ISM1: variants seen among roughly 807,000 people sequenced by gnomAD.
ISM1 encodes the protein isthmin 1.
ISM1 carries 25 observed loss-of-function variants against 46.3 expected under a neutral mutation model. The observed-to-expected ratio is 0.54, with a 90% confidence interval of 0.39 to 0.75. The LOEUF (loss-of-function observed/expected upper bound fraction) is 0.75, where lower values mean the gene tolerates loss of function less well. Ranked by LOEUF, ISM1 falls within the 30% of genes least tolerant of loss-of-function variation. The pLI, the probability that ISM1 is intolerant of heterozygous loss-of-function variation, is 0.00. For synonymous variants in ISM1, 255 were observed against 256.7 expected (o/e 0.99, Z 0.06); for missense variants, 536 against 625.4 (o/e 0.86, Z 1.52).
chr20:13,224,841 C>CTTTTTTTT (rs1162270732), intron 1 of ISM1, among the ~76,000 whole-genome samples: 79 of 107,220 alleles, frequency 7.4e-4, no homozygotes, highest in Non-Finnish European at 9.6e-4. Flanking sequence ...AGCTTTCTTT[C>CTTTTTTTT]TTTTTTTTTT....
intron 5 of ISM1, among the ~76,000 whole-genome samples, chr20:13,293,600 C>T (rs1157936722): frequency 6.6e-6 from 1 of 151,994 alleles, no homozygotes; most frequent in East Asian, 1.9e-4. Flanking sequence ...GTCAGGTAAG[C>T]ATCTCAGTAG....
intron 3 of ISM1, among the ~76,000 whole-genome samples, chr20:13,281,281 T>C (rs115606419): frequency 1.1e-3 from 168 of 152,274 alleles, no homozygotes; most frequent in African/African-American, 3.9e-3. Flanking sequence ...ATGGTAGAGA[T>C]GTACATCAAA....
At chr20:13,281,825 A>G (rs539600810) in intron 3 of ISM1, among the ~76,000 whole-genome samples, 1 of 152,348 alleles carries the variant, frequency 6.6e-6, no homozygotes, top group East Asian at 1.9e-4. Flanking sequence ...CAGCCCACAC[A>G]GAACGTTGTT....
intron 3 of ISM1, among the ~76,000 whole-genome samples, chr20:13,287,372 T>C (rs574729082): frequency 2.0e-5 from 3 of 152,240 alleles, no homozygotes; most frequent in Admixed American, 6.5e-5. Flanking sequence ...ATGGGGAAAC[T>C]GCCCCCATGA....
At chr20:13,229,833 C>CCT (rs1160306714) in intron 1 of ISM1, among the ~76,000 whole-genome samples, 2 of 151,874 alleles carry the variant, frequency 1.3e-5, no homozygotes. Flanking sequence ...ACCAGAAATC[C>CCT]CTCTCTCTCT....
Position 13,299,535 on chromosome 20 carries a change from G to A in ISM1, c.*76G>A, listed in dbSNP as rs113644568. 1.2e-3 allele frequency: 1,553 copies of A among 1,333,974 alleles called. 12 individuals are homozygous for A. The highest frequency in any genetic ancestry group is 9.1e-3 in the South Asian group (675 of 74,290). The allele number at this position is 1,333,974 out of a possible 1,614,324, so 82.6% of individuals were successfully genotyped here. A position where few individuals can be genotyped will look rare whatever the true frequency, so the allele number is the denominator to read the frequency against. On this transcript the variant is annotated 3_prime_UTR_variant, in exon 6 of 6. Coordinates refer to ENST00000262487, the MANE Select transcript of ISM1 (RefSeq NM_080826.2). This position sits in a 1 kb window ranked among gnomAD's most constrained non-coding sequence, Gnocchi z 5.8. ...GTGCTGCACTGACGTGCCGACTGGC[G>A]CCGAGACCTTCATAGCTGCGGTCGT... is the stretch of plus-strand genomic sequence containing the variant.
intron 2 of ISM1, among the ~76,000 whole-genome samples, chr20:13,271,967 C>T (rs980578106): frequency 6.6e-6 from 1 of 152,034 alleles, no homozygotes; most frequent in Non-Finnish European, 1.5e-5. Flanking sequence ...TTTGTAGAAA[C>T]AGGGTTTTGC....
chr20:13,247,419 G>T (rs888247320), intron 1 of ISM1, among the ~76,000 whole-genome samples: 50 of 152,130 alleles, frequency 3.3e-4, no homozygotes, highest in Non-Finnish European at 5.3e-4. Flanking sequence ...GTTATCAGTG[G>T]CTTGCAGCCT....
At chr20:13,228,607 C>G (rs2039554885) in intron 1 of ISM1, among the ~76,000 whole-genome samples, 1 of 151,566 alleles carries the variant, frequency 6.6e-6, no homozygotes, top group South Asian at 2.1e-4. Context: ...GAAATTTTAC[C>G]AGGTTGTGTT....
intron 1 of ISM1, among the ~76,000 whole-genome samples, chr20:13,260,220 G>A (rs1436186922): frequency 3.3e-5 from 5 of 152,214 alleles, no homozygotes; most frequent in African/African-American, 4.8e-5. Flanking sequence ...GCCTATGACA[G>A]CTCTATAATT....
chr20:13,258,341 G>T (rs2039950561), intron 1 of ISM1, among the ~76,000 whole-genome samples: 1 of 151,958 alleles, frequency 6.6e-6, no homozygotes, highest in Admixed American at 6.6e-5. Context: ...GCCTCTCCCT[G>T]TCCTTGCATC....
Position 13,279,859 on chromosome 20 carries a change from G to C in ISM1, c.604G>C (p.Gly202Arg). 6.2e-7 allele frequency: 1 copy of C among 1,613,942 alleles called. No individual in the cohort carries two copies. Among genetic ancestry groups the C allele is most frequent in the Non-Finnish European group, 8.5e-7 (1 of 1,179,860 alleles). Residue 202 changes from glycine to arginine, a missense_variant, in exon 3 of 6, where the codon GGC becomes CGC. Physicochemically the swap from Gly to Arg is moderately radical, Grantham distance 125. This residue lies in a region of ISM1 where 367 missense variants were observed against 376.1 expected (regional missense o/e 0.98). Transcript: ENST00000262487. Reference protein sequence around the residue: ...PPRGWDHTAPGHRTFETKDQP... With the variant: ...PPRGWDHTAPRHRTFETKDQP... ...CAGGGGGTGGGACCATACAGCCCCA[G>C]GCCACCGGACTTTTGAAACCAAAGA...
chr20:13,236,556 A>G (rs2039652443), intron 1 of ISM1, among the ~76,000 whole-genome samples: 1 of 152,214 alleles, frequency 6.6e-6, no homozygotes, highest in Non-Finnish European at 1.5e-5. Context: ...AATTTATTTC[A>G]GAATTAACCC....
downstream of ISM1, chr20:13,300,673 G>A (rs1304606396): frequency 6.6e-6 from 1 of 152,162 alleles, no homozygotes; most frequent in African/African-American, 2.4e-5. Context: ...CTTCATTTAT[G>A]ATACAAATGC....
At chr20:13,232,334 C>G (rs1174712427) in intron 1 of ISM1, among the ~76,000 whole-genome samples, 1 of 152,242 alleles carries the variant, frequency 6.6e-6, no homozygotes, top group East Asian at 1.9e-4. Context: ...CAAGCAACCA[C>G]TGATCTGCCT....
chr20:13,266,278 G>C (rs548279814), intron 1 of ISM1, among the ~76,000 whole-genome samples: 1 of 152,320 alleles, frequency 6.6e-6, no homozygotes, highest in South Asian at 2.1e-4. Flanking sequence ...CAAAATGCTA[G>C]GCTGTAAGAA....
chr20:13,278,446 G>GC (rs968905335), intron 2 of ISM1, among the ~76,000 whole-genome samples: 4 of 152,140 alleles, frequency 2.6e-5, no homozygotes, highest in African/African-American at 9.7e-5. Context: ...GAAGCAACCA[G>GC]CCCCCACCTG....
intron 1 of ISM1, among the ~76,000 whole-genome samples, chr20:13,268,042 G>A (rs950004891): frequency 3.9e-5 from 6 of 152,230 alleles, no homozygotes; most frequent in Non-Finnish European, 8.8e-5. Flanking sequence ...AATGCATTCA[G>A]CTATCTCCCC....
At chr20:13,222,595 G>T (rs1246907641) in intron 1 of ISM1, among the ~76,000 whole-genome samples, 4 of 152,114 alleles carry the variant, frequency 2.6e-5, no homozygotes, top group Admixed American at 2.6e-4. Flanking sequence ...TAAACTTGTA[G>T]CAAAGTCTTT....
Sources: gnomAD v4.1 joint callset for allele counts (sites outside exome capture counted in the v4.1 genomes callset) on GRCh38, gnomAD v4.1.1 for gene constraint, gnomAD v4.1.1 regional missense constraint, Gnocchi (gnomAD v3.1) non-coding constraint, MANE v1.5 for transcripts, NCBI Gene and HGNC (gene_info 2026-07-23, HGNC 2026-07-21) for gene names.